Variants in IPO8 observed in about 807,000 individuals in gnomAD.
IPO8 encodes the protein importin 8.
Under a neutral mutation model 141.2 loss-of-function variants are expected in IPO8, and 65 were observed. That is an observed-to-expected ratio of 0.46 (90% CI 0.38 to 0.57). The LOEUF (loss-of-function observed/expected upper bound fraction) is 0.57. IPO8 is among the 20% of genes least tolerant of loss of function. IPO8 has a pLI of 0.00. For synonymous variants in IPO8, 411 were observed against 420.3 expected (o/e 0.98, Z 0.27); for missense variants, 980 against 1,246.8 (o/e 0.79, Z 3.22).
At chr12:30,671,869 C>T (rs971207306) in intron 8 of IPO8, among the ~76,000 whole-genome samples, 1 of 151,852 alleles carries the variant, frequency 6.6e-6, no homozygotes, top group Non-Finnish European at 1.5e-5. Context: ...TTTAAATTAA[C>T]TCCCTCAACT....
At chr12:30,667,681 G>C (rs1476179413) in intron 10 of IPO8, among the ~76,000 whole-genome samples, 1 of 152,164 alleles carries the variant, frequency 6.6e-6, no homozygotes, top group Admixed American at 6.5e-5. Context: ...AGTCAGTCTT[G>C]AGTTACCCAT....
chr12:30,684,520 C>G (rs978731063), intron 2 of IPO8, 63 bp from the exon 3 acceptor site: 5 of 1,532,230 alleles, frequency 3.3e-6, no homozygotes, highest in Admixed American at 3.5e-5. Context: ...TTCAGCCTTA[C>G]AGAGCATGAA....
chr12:30,670,666 A>G (rs2053034407), intron 9 of IPO8, among the ~76,000 whole-genome samples: 1 of 152,168 alleles, frequency 6.6e-6, no homozygotes, highest in Non-Finnish European at 1.5e-5. Flanking sequence ...CAACTTTTAG[A>G]TAAGAATAGA....
intron 16 of IPO8, among the ~76,000 whole-genome samples, chr12:30,659,874 C>A (rs1224779139): frequency 3.7e-5 from 5 of 133,394 alleles, no homozygotes; most frequent in Middle Eastern, 4.6e-3. Flanking sequence ...AAAAAAAAAA[C>A]CCACAAAATC....
chr12:30,630,760 G>A lies in IPO8; in HGVS notation c.*100C>T, dbSNP rs2052419574. The A allele has an allele frequency of 1.2e-6, 1 of 853,826 alleles. No homozygotes were observed. Among genetic ancestry groups the A allele is most frequent in the South Asian group, 1.6e-5 (1 of 63,626 alleles). The allele number at this position is 853,826 out of a possible 1,614,324, so 52.9% of individuals were successfully genotyped here. The stretch of plus-strand genomic sequence containing the variant: ...CCAGATGGTAACTGGCACAGCAGGA[G>A]GGCCCTAAAAGCAGCCCCTCATTTC... On this transcript the variant is annotated 3_prime_UTR_variant, in exon 25 of 25. Transcript: ENST00000256079.
At chr12:30,646,961 G>A (rs1591826016) in intron 20 of IPO8, among the ~76,000 whole-genome samples, 1 of 152,066 alleles carries the variant, frequency 6.6e-6, no homozygotes, top group Non-Finnish European at 1.5e-5. Context: ...ATTGACAAAC[G>A]GATCCTAAAA....
chr12:30,685,359 G>A (rs994598318), intron 2 of IPO8, among the ~76,000 whole-genome samples: 2 of 151,616 alleles, frequency 1.3e-5, no homozygotes, highest in East Asian at 2.0e-4. Context: ...GGTTGGTCTC[G>A]AACACCTGAC....
chr12:30,689,578 A>G (rs1455939513), intron 2 of IPO8, among the ~76,000 whole-genome samples: 1 of 152,176 alleles, frequency 6.6e-6, no homozygotes, highest in East Asian at 1.9e-4. Context: ...CCAAAGCTTA[A>G]TATTTCTTTA....
chr12:30,633,967 A>C lies in IPO8; in HGVS notation c.2899+116T>G, dbSNP rs2052467458. 1.3e-5 allele frequency: 11 copies of C among 838,946 alleles called. No homozygotes were observed. In the African/African-American group the frequency reaches 1.9e-4, roughly 14 times the overall value. 52.0% of individuals were successfully genotyped at this position (838,946 alleles called of 1,614,324 possible). On this transcript the variant is annotated intron_variant, in intron 23 of 24. Coordinates refer to ENST00000256079, the MANE Select transcript of IPO8 (RefSeq NM_006390.4). ...TGGGGATTTCTATCATAAGGAATAA[A>C]CAAAAAAATTTTTAAAAGAACCTAG... is the stretch of plus-strand genomic sequence containing the variant.
At chr12:30,662,568 G>C (rs996226619) in intron 14 of IPO8, 81 bp from the exon 15 acceptor site, 2 of 1,049,930 alleles carry the variant, frequency 1.9e-6, no homozygotes, top group South Asian at 1.3e-5. Flanking sequence ...ACAAGGTCAA[G>C]TGACCCAGGG....
chr12:30,654,380 A>T (rs2052770008), intron 17 of IPO8, among the ~76,000 whole-genome samples: 1 of 151,892 alleles, frequency 6.6e-6, no homozygotes, highest in African/African-American at 2.4e-5. Context: ...ACAAAATAGG[A>T]TTACATCAAA....
chr12:30,691,958 T>G (rs533234615), intron 1 of IPO8, among the ~76,000 whole-genome samples: 1 of 152,338 alleles, frequency 6.6e-6, no homozygotes, highest in East Asian at 1.9e-4. Context: ...AATTCTTTTT[T>G]ATCCATAATT....
intron 9 of IPO8, among the ~76,000 whole-genome samples, chr12:30,670,255 G>C (rs973191307): frequency 6.6e-6 from 1 of 152,092 alleles, no homozygotes; most frequent in Non-Finnish European, 1.5e-5. Flanking sequence ...TTCTATCCTG[G>C]ACAGCAAACA....
chr12:30,684,485 G>C (rs373196609), intron 2 of IPO8, 28 bp from the exon 3 acceptor site: 2 of 1,609,666 alleles, frequency 1.2e-6, no homozygotes, highest in Non-Finnish European at 1.7e-6. Flanking sequence ...TGCTAATGTA[G>C]CAGTACCAAA....
At chr12:30,669,779 T>A (rs1314231006) in intron 9 of IPO8, among the ~76,000 whole-genome samples, 3 of 135,138 alleles carry the variant, frequency 2.2e-5, no homozygotes, top group Non-Finnish European at 3.2e-5. Flanking sequence ...AAAAAAAAAA[T>A]TGGAATTTTC....
In IPO8 at chr12:30,653,007, T is replaced by A. The variant is rs36100343; in HGVS notation, c.2034A>T (p.Leu678=). The A allele has an allele frequency of 1.1e-5, 17 of 1,611,772 alleles. No homozygotes were observed. Among genetic ancestry groups the A allele is most frequent in the East Asian group, 4.5e-5 (2 of 44,836 alleles). The change falls in exon 18 of 25, where the codon CTA becomes CTT. Residue 678 remains leucine (L), a synonymous_variant. Transcript: ENST00000256079. ...SPQMWQLLGI[L]YEVFQQDCFE... is the part of the protein sequence containing the mutation. ...AGCAATCCTGCTGAAACACTTCATA[T>A]AGTATACCTAGAAGCTGCCACATTT...
At chr12:30,653,195 C>T in intron 17 of IPO8, 103 bp from the exon 18 acceptor site, 1 of 986,446 alleles carries the variant, frequency 1.0e-6, no homozygotes. Flanking sequence ...ACAGAGTCCT[C>T]CTCTATCCAA....
intron 2 of IPO8, among the ~76,000 whole-genome samples, chr12:30,686,891 CACTG>C (rs1190449590): frequency 3.9e-5 from 6 of 151,966 alleles, no homozygotes; most frequent in South Asian, 4.2e-4. Context: ...AAAAAAGGCA[CACTG>C]ACTAATTTGT....
Position 30,637,019 on chromosome 12 carries a change from A to G in IPO8, c.2658T>C (p.Asp886=), listed in dbSNP as rs779065899. The change falls in exon 22 of 25, where the codon GAT becomes GAC. Residue 886 remains aspartate (D), a synonymous_variant. Coordinates refer to ENST00000256079, the MANE Select transcript of IPO8 (RefSeq NM_006390.4). The part of the protein sequence containing the change: ...CATRQLVNRE[D]RSKAEKADME... ...TATCAGCTTTCTCTGCTTTTGAACG[A>G]TCTTCCCGGTTTACCAGTTGTCTAG... The G allele has an allele frequency of 2.5e-6, 4 of 1,614,098 alleles. No homozygotes were observed. In the Admixed American group the frequency reaches 6.7e-5, roughly 27 times the overall value.
Sources: allele counts gnomAD v4.1 joint callset (sites outside exome capture counted in the v4.1 genomes callset), GRCh38; gene constraint gnomAD v4.1.1; transcripts MANE v1.5; gene names NCBI Gene and HGNC (gene_info 2026-07-23, HGNC 2026-07-21).